PHIP: variants seen among roughly 807,000 people sequenced by gnomAD.
The protein encoded by PHIP is PH-interacting protein.
A neutral mutation model predicts 236.8 loss-of-function variants in PHIP; 54 were observed. The observed-to-expected ratio is 0.23, with a 90% CI of 0.18 to 0.29. The LOEUF is 0.29. Ranked by LOEUF, PHIP falls within the 10% of genes least tolerant of loss-of-function variation. The pLI is 1.00. For synonymous variants in PHIP, 756 were observed against 718.9 expected, an observed-to-expected ratio of 1.05 and a Z score of -0.83; for missense variants, 1,370 against 2,190.8, an observed-to-expected ratio of 0.63 and a Z score of 7.48.
chr6:78,954,671 T>C (rs1311746471), intron 35 of PHIP, 143 bp downstream of exon 35: 1 of 560,842 alleles, frequency 1.8e-6, no homozygotes, highest in Non-Finnish European at 3.0e-6. Context: ...GGATTCTCTA[T>C]GTAGCCAAAT....
At position 79,001,837 on chromosome 6, in the gene PHIP, A is replaced by G. The variant is rs1408212961; in HGVS notation, c.1879+62T>C. On this transcript the variant is annotated intron_variant, in intron 17 of 39. Coordinates refer to ENST00000275034, the MANE Select transcript of PHIP (RefSeq NM_017934.7). Reference sequence around the variant, plus strand: ...ACTGCAAACAAAGTTTTACTCAATTAGCAATTTTAACAGTTCGGTGGGAAG... The same window carrying G: ...ACTGCAAACAAAGTTTTACTCAATTGGCAATTTTAACAGTTCGGTGGGAAG... 3 of 1,039,336 alleles carry G rather than the reference A, an allele frequency of 2.9e-6. No individual in the cohort carries two copies. In the African/African-American group the frequency reaches 4.7e-5, roughly 16 times the overall value. 64.4% of individuals were successfully genotyped at this position (1,039,336 alleles called of 1,614,324 possible).
At chr6:79,071,717 T>C (rs1773889488) in intron 4 of PHIP, among the ~76,000 whole-genome samples, 1 of 152,166 alleles carries the variant, frequency 6.6e-6, no homozygotes, top group South Asian at 2.1e-4. Context: ...CTGAAATTTA[T>C]ACAAGGAAAC....
chr6:79,078,182 G>A lies in PHIP; in HGVS notation c.-114C>T, dbSNP rs1014428077. ...GTGTGTGTTCACGAGCCGAGCTTCG[G>A]CTCCACCATTCAAGCAACGGCGGCG... is the stretch of plus-strand genomic sequence containing the variant. On this transcript the variant is annotated 5_prime_UTR_variant, in exon 1 of 40. Coordinates refer to ENST00000275034, the MANE Select transcript of PHIP (RefSeq NM_017934.7). 24 of 1,050,448 alleles carry A rather than the reference G, an allele frequency of 2.3e-5. No individual in the cohort carries two copies. Among genetic ancestry groups the A allele is most frequent in the Admixed American group, 9.9e-5 (4 of 40,406 alleles). 65.1% of individuals were successfully genotyped at this position (1,050,448 alleles called of 1,614,324 possible).
At chr6:78,988,178 C>T (rs754230528) in intron 21 of PHIP, 31 bp downstream of exon 21, 2 of 1,447,994 alleles carry the variant, frequency 1.4e-6, no homozygotes, top group East Asian at 2.4e-5. Flanking sequence ...GTAAAAATGA[C>T]ATCTAATTTA....
chr6:79,029,039 C>G (rs548693103), intron 7 of PHIP, among the ~76,000 whole-genome samples: 1 of 152,324 alleles, frequency 6.6e-6, no homozygotes, highest in East Asian at 1.9e-4. Context: ...TATCTTACCA[C>G]TTTAGTATTG....
chr6:78,971,029 T>C, intron 24 of PHIP, 141 bp from the exon 25 acceptor site: 1 of 605,720 alleles, frequency 1.7e-6, no homozygotes, highest in South Asian at 2.2e-5. Flanking sequence ...TCCTCCTTTC[T>C]CTCAAGTTGT....
chr6:78,958,671 A>G, intron 31 of PHIP, 71 bp from the exon 32 acceptor site: 1 of 922,654 alleles, frequency 1.1e-6, no homozygotes, highest in Non-Finnish European at 1.7e-6. Flanking sequence ...TTTAAAACCA[A>G]GACATTCCAA....
intron 35 of PHIP, among the ~76,000 whole-genome samples, chr6:78,949,686 C>CTT (rs374657247): frequency 6.8e-6 from 1 of 147,378 alleles, no homozygotes; most frequent in East Asian, 2.0e-4. Context: ...CTCTTTTTTA[C>CTT]TTTTTTTTTT....
chr6:79,024,421 A>C (rs529750991), intron 9 of PHIP, among the ~76,000 whole-genome samples: 1 of 152,268 alleles, frequency 6.6e-6, no homozygotes, highest in East Asian at 1.9e-4. Flanking sequence ...AAATCAACTG[A>C]ATAATCAATT....
rs367594581 is a variant in PHIP at position 78,990,979 on chromosome 6, T to C, written c.2208A>G (p.Gln736=). The change falls in exon 20 of 40, where the codon CAA becomes CAG. Residue 736 remains glutamine (Q), a synonymous_variant. Transcript: ENST00000275034. Reference sequence around the variant, plus strand: ...CTCCCTTTGCAGTTCTCCATTCTTCTTGCCTACTGAAAGACAAAAGCCATA... The same window carrying C: ...CTCCCTTTGCAGTTCTCCATTCTTCCTGCCTACTGAAAGACAAAAGCCATA... ...PELSAGVASR[Q]EEWRTAKGEE... is the part of the protein sequence containing the mutation. 6 of 1,595,332 alleles carry C rather than the reference T, an allele frequency of 3.8e-6. No individual in the cohort carries two copies. In the Middle Eastern group the frequency reaches 6.6e-4, roughly 177 times the overall value.
At chr6:78,997,391 TA>T in intron 19 of PHIP, 22 bp downstream of exon 19, 1 of 1,608,668 alleles carries the variant, frequency 6.2e-7, no homozygotes, top group South Asian at 1.1e-5. Context: ...CTATGGTACA[TA>T]AAAATTCACA....
intron 29 of PHIP, 49 bp from the exon 30 acceptor site, chr6:78,963,301 T>C: frequency 6.8e-7 from 1 of 1,461,932 alleles, no homozygotes; most frequent in Non-Finnish European, 9.3e-7. Context: ...CTTATTAGTA[T>C]TCAGGTTAGC....
chr6:78,970,934 A>G, intron 24 of PHIP, 46 bp from the exon 25 acceptor site: 1 of 1,276,598 alleles, frequency 7.8e-7, no homozygotes, highest in Non-Finnish European at 1.1e-6. Flanking sequence ...TGTTTCCTTT[A>G]ATCCAATATA....
intron 23 of PHIP, among the ~76,000 whole-genome samples, chr6:78,982,512 A>G (rs1768603474): frequency 6.6e-6 from 1 of 152,070 alleles, no homozygotes; most frequent in Non-Finnish European, 1.5e-5. Context: ...ATTTTCAGCA[A>G]TAACAATTAA....
chr6:79,037,766 T>C (rs114279339), intron 7 of PHIP, among the ~76,000 whole-genome samples: 129 of 152,348 alleles, frequency 8.5e-4, no homozygotes, highest in African/African-American at 3.0e-3. Context: ...CTAAGTTTTC[T>C]GCAAGAATGG....
At chr6:78,948,369 T>TA (rs1225103383) in intron 35 of PHIP, among the ~76,000 whole-genome samples, 2 of 152,066 alleles carry the variant, frequency 1.3e-5, no homozygotes, top group Non-Finnish European at 2.9e-5. Flanking sequence ...TAAAATTAGG[T>TA]AACAGATTGG....
intron 7 of PHIP, among the ~76,000 whole-genome samples, chr6:79,041,954 A>C (rs1423181716): frequency 6.6e-6 from 1 of 152,054 alleles, no homozygotes; most frequent in African/African-American, 2.4e-5. Context: ...ATTTACTAAA[A>C]AGAGGAATCT....
At chr6:79,056,511 C>T (rs1011116500) in intron 6 of PHIP, among the ~76,000 whole-genome samples, 6 of 152,050 alleles carry the variant, frequency 3.9e-5, no homozygotes, top group Non-Finnish European at 7.4e-5. Flanking sequence ...ATGTGCACTT[C>T]AAAAAGTTTA....
intron 24 of PHIP, among the ~76,000 whole-genome samples, chr6:78,974,049 C>G (rs1372161767): frequency 6.6e-6 from 1 of 152,172 alleles, no homozygotes; most frequent in Non-Finnish European, 1.5e-5. Context: ...GCAGAACTCT[C>G]CACCTCAAAT....
Sources: allele counts gnomAD v4.1 joint callset (sites outside exome capture counted in the v4.1 genomes callset), GRCh38; gene constraint gnomAD v4.1.1; transcripts MANE v1.5; gene names NCBI Gene and HGNC (gene_info 2026-07-23, HGNC 2026-07-21).